FGGY: variants seen among roughly 807,000 people sequenced by gnomAD.
FGGY encodes FGGY carbohydrate kinase domain containing.
Under a neutral mutation model 71.3 loss-of-function variants are expected in FGGY, and 72 were observed. That is an observed-to-expected ratio of 1.01 (90% CI 0.84 to 1.23). The LOEUF (loss-of-function observed/expected upper bound fraction) is 1.23. Ranked by LOEUF, FGGY falls within the 50% of genes most tolerant of loss-of-function variation. The probability of loss-of-function intolerance (pLI) is 0.00; values close to 1 mark genes in which losing one functional copy is unlikely to be tolerated. For synonymous variants in FGGY, 251 were observed against 250.3 expected (o/e 1.00, Z -0.02); for missense variants, 668 against 682.3 (o/e 0.98, Z 0.23).
intron 14 of FGGY, among the ~76,000 whole-genome samples, chr1:59,700,996 G>T (rs1302825031): frequency 6.6e-6 from 1 of 152,124 alleles, no homozygotes; most frequent in African/African-American, 2.4e-5. Context: ...GAATACTGTG[G>T]GGCTCCTCTC....
intron 6 of FGGY, among the ~76,000 whole-genome samples, chr1:59,478,055 A>T: frequency 6.6e-6 from 1 of 152,190 alleles, no homozygotes; most frequent in East Asian, 1.9e-4. Context: ...ACCAGTATCA[A>T]ACAAGTTACC....
intron 7 of FGGY, among the ~76,000 whole-genome samples, chr1:59,529,558 G>A (rs2095084101): frequency 6.6e-6 from 1 of 152,220 alleles, no homozygotes. Flanking sequence ...GGAATGGTAA[G>A]CATTTCAGTT....
intron 7 of FGGY, among the ~76,000 whole-genome samples, chr1:59,543,025 C>T (rs1050662083): frequency 1.3e-5 from 2 of 152,096 alleles, no homozygotes; most frequent in Admixed American, 6.6e-5. Flanking sequence ...AAATCTTGTC[C>T]TCAGTAGAAG....
chr1:59,601,526 A>G (rs892971301), intron 8 of FGGY, among the ~76,000 whole-genome samples: 7 of 152,134 alleles, frequency 4.6e-5, no homozygotes, highest in Admixed American at 2.0e-4. Context: ...ATCCTGGGCA[A>G]TTTGCTTACC....
chr1:59,762,510 G>A lies in FGGY; in HGVS notation c.1582G>A (p.Asp528Asn). The A allele has an allele frequency of 6.2e-7, 1 of 1,611,968 alleles. No individual in the cohort carries two copies. Among genetic ancestry groups the A allele is most frequent in the Non-Finnish European group, 8.5e-7 (1 of 1,178,474 alleles). ...TTTATATTTCTCCCACAGATACTAT[G>A]ATAAGAAATACCAAGTATTCCTGAA... ...FPRLQDKKYY[D>N]KKYQVFLKLV... The change falls in exon 16 of 16, where the codon GAT (aspartate) becomes AAT (asparagine). Residue 528 changes from aspartate (D) to asparagine (N), a missense_variant. Transcript: ENST00000303721.
At chr1:59,391,957 G>A (rs912758438) in intron 5 of FGGY, among the ~76,000 whole-genome samples, 3 of 152,192 alleles carry the variant, frequency 2.0e-5, no homozygotes, top group Non-Finnish European at 4.4e-5. Context: ...AGATGCTAGA[G>A]AGTTAGATCT....
intron 5 of FGGY, among the ~76,000 whole-genome samples, chr1:59,444,694 C>T (rs1309380378): frequency 6.6e-6 from 1 of 152,126 alleles, no homozygotes; most frequent in Non-Finnish European, 1.5e-5. Flanking sequence ...GAACAGGAAC[C>T]CTATTGTGAA....
At chr1:59,523,523 T>C (rs752285602) in intron 7 of FGGY, among the ~76,000 whole-genome samples, 1 of 152,214 alleles carries the variant, frequency 6.6e-6, no homozygotes, top group Admixed American at 6.5e-5. Flanking sequence ...GAGAAATAAT[T>C]TTAAAAATTT....
chr1:59,542,445 C>CTTTTTTT (rs754831417), intron 7 of FGGY, among the ~76,000 whole-genome samples: 409 of 34,260 alleles, frequency 0.012, 81 homozygotes, highest in Non-Finnish European at 0.016. Flanking sequence ...ATGTTCTTTA[C>CTTTTTTT]TTTTTTTTTT....
chr1:59,423,346 A>G (rs1013132790), intron 5 of FGGY, among the ~76,000 whole-genome samples: 5 of 152,212 alleles, frequency 3.3e-5, no homozygotes, highest in African/African-American at 9.6e-5. Context: ...GGCACCTTGT[A>G]ACAGACCTGA....
intron 1 of FGGY, among the ~76,000 whole-genome samples, chr1:59,314,990 T>C (rs1010622370): frequency 3.3e-5 from 5 of 152,170 alleles, no homozygotes; most frequent in Non-Finnish European, 2.9e-5. Flanking sequence ...GCCAGCTGGC[T>C]CCAGGAACCT....
chr1:59,606,438 G>C (rs924732823), intron 8 of FGGY, among the ~76,000 whole-genome samples: 4 of 152,194 alleles, frequency 2.6e-5, no homozygotes, highest in Admixed American at 2.0e-4. Flanking sequence ...GTGGTAAGAA[G>C]CTCACCTTAC....
In FGGY at chr1:59,579,101, G is replaced by A. The variant is rs931915790; in HGVS notation, c.903+24874G>A. Among the ~76,000 whole-genome samples the A allele has an allele frequency of 5.3e-5, 8 of 152,018 alleles. 1 individual carries two copies. The highest frequency in any genetic ancestry group is 1.9e-4 in the African/African-American group (8 of 41,362). The stretch of plus-strand genomic sequence containing the variant: ...ATTTGTTTCGGGCTCCTGTGACCAG[G>A]GTCTGTGTTCCTAAATCCAGTAGTC... On this transcript the variant is annotated intron_variant, in intron 8 of 15. Transcript: ENST00000303721.
chr1:59,466,552 A>G (rs994643191), intron 6 of FGGY, among the ~76,000 whole-genome samples: 1 of 152,222 alleles, frequency 6.6e-6, no homozygotes, highest in African/African-American at 2.4e-5. Context: ...AGAAACTACC[A>G]TCAGAGTGAA....
chr1:59,301,901 C>CTTT (rs60018175), intron 1 of FGGY, among the ~76,000 whole-genome samples: 3 of 138,370 alleles, frequency 2.2e-5, no homozygotes, highest in Non-Finnish European at 1.6e-5. Flanking sequence ...TTCTTTCTTT[C>CTTT]TTTTTTTTTT....
chr1:59,682,805 G>A (rs182556919), intron 14 of FGGY, among the ~76,000 whole-genome samples: 164 of 152,286 alleles, frequency 1.1e-3, no homozygotes, highest in African/African-American at 3.6e-3. Context: ...TATTCAGAGC[G>A]GTCTGCAGAC....
rs527266641 is a variant in FGGY at position 59,617,138 on chromosome 1, T to C, written c.1012-8850T>C. On this transcript the variant is annotated intron_variant, in intron 9 of 15. Coordinates refer to ENST00000303721, the MANE Select transcript of FGGY (RefSeq NM_018291.5). ...CTCTAATAAGCCACATCTGAAGGTGTCTGCTCCAGTAGTACATTGTCCATG... is the reference window on the plus strand; with the variant it reads ...CTCTAATAAGCCACATCTGAAGGTGCCTGCTCCAGTAGTACATTGTCCATG... Among the ~76,000 whole-genome samples, 9 of 152,230 alleles carry C rather than the reference T, an allele frequency of 5.9e-5. No homozygotes were observed. In the East Asian group the frequency reaches 1.5e-3, roughly 26 times the overall value.
intron 4 of FGGY, among the ~76,000 whole-genome samples, chr1:59,360,362 G>A (rs1216142530): frequency 6.6e-6 from 1 of 152,114 alleles, no homozygotes; most frequent in African/African-American, 2.4e-5. Context: ...GGCTTTGGCT[G>A]GGAGTCACAG....
At chr1:59,503,584 G>A (rs934919898) in intron 6 of FGGY, among the ~76,000 whole-genome samples, 1 of 126,420 alleles carries the variant, frequency 7.9e-6, no homozygotes, top group African/African-American at 3.7e-5. Context: ...ATTGGCTTTT[G>A]TGGTGTCGCC....
Sources: allele counts gnomAD v4.1 joint callset (sites outside exome capture counted in the v4.1 genomes callset), GRCh38; gene constraint gnomAD v4.1.1; transcripts MANE v1.5; gene names NCBI Gene and HGNC (gene_info 2026-07-23, HGNC 2026-07-21).